The following UMODL1 variants were observed in gnomAD, a reference collection of about 807,000 sequenced individuals.
UMODL1 encodes uromodulin-like 1.
In UMODL1, 128 loss-of-function variants were observed where a neutral mutation model predicts 136.3. The ratio of observed to expected loss-of-function variants is 0.94; its 90% CI spans 0.81 to 1.09. The LOEUF (loss-of-function observed/expected upper bound fraction) is 1.09, where lower values mean the gene tolerates loss of function less well. Ranked by LOEUF, UMODL1 falls within the 50% of genes least tolerant of loss-of-function variation. The pLI is 0.00. For synonymous variants in UMODL1, 721 were observed against 720.0 expected (o/e 1.00, Z -0.02); for missense variants, 1,766 against 1,725.6 (o/e 1.02, Z -0.41).
chr21:42,076,149 T>C lies in UMODL1; in HGVS notation c.221T>C (p.Val74Ala). The C allele has an allele frequency of 1.2e-6, 2 of 1,614,180 alleles. No homozygotes were observed. The highest frequency in any genetic ancestry group is 1.7e-5 in the Admixed American group (1 of 60,032). ...WIPWRRCPKM[V>A]YRTQYLVVEV... is the part of the protein sequence containing the mutation. ...CCCTGGAGGCGGTGCCCTAAGATGGTTTACCGGACACAGTACCTGGTAGTG... is the reference window on the plus strand; with the variant it reads ...CCCTGGAGGCGGTGCCCTAAGATGGCTTACCGGACACAGTACCTGGTAGTG... Residue 74 changes from valine (V) to alanine (A), a missense_variant, in exon 2 of 23, where the codon GTT becomes GCT. Transcript: ENST00000408910.
At chr21:42,098,839 G>A (rs2066589870) in intron 6 of UMODL1, 87 bp from the exon 7 acceptor site, 1 of 1,552,396 alleles carries the variant, frequency 6.4e-7, no homozygotes. Flanking sequence ...TGAGAACCAA[G>A]TTGAGATGAG....
At chr21:42,132,020 G>A (rs1270794015) in intron 21 of UMODL1, among the ~76,000 whole-genome samples, 1 of 152,212 alleles carries the variant, frequency 6.6e-6, no homozygotes, top group Non-Finnish European at 1.5e-5. Flanking sequence ...ACTAGGGGGT[G>A]AAAAGCACTA....
At chr21:42,135,718 T>G (rs553807281) in intron 21 of UMODL1, among the ~76,000 whole-genome samples, 1 of 152,140 alleles carries the variant, frequency 6.6e-6, no homozygotes, top group African/African-American at 2.4e-5. Context: ...CTCGGTTTCT[T>G]GGGGAGGGTG....
rs939709571 is a variant in UMODL1 at position 42,097,758 on chromosome 21, G to A, written c.932-1168G>A. On this transcript the variant is annotated intron_variant, in intron 6 of 22. Transcript: ENST00000408910. Reference sequence around the variant, plus strand: ...GTGAAAATTTTGGTGCGTAGACTGGGGGCCGTCTACTTTTTATATAATTCT... The same window carrying A: ...GTGAAAATTTTGGTGCGTAGACTGGAGGCCGTCTACTTTTTATATAATTCT... Among the ~76,000 whole-genome samples, 23 of 152,198 alleles carry A rather than the reference G, an allele frequency of 1.5e-4. No homozygotes were observed. In the South Asian group the frequency reaches 4.8e-3, roughly 32 times the overall value.
At chr21:42,064,710 C>A (rs1204106165) in intron 1 of UMODL1, among the ~76,000 whole-genome samples, 1 of 152,096 alleles carries the variant, frequency 6.6e-6, no homozygotes, top group Non-Finnish European at 1.5e-5. Context: ...CGCCCAACAC[C>A]ACACCTGGCT....
At position 42,085,337 on chromosome 21, in the gene UMODL1, G is replaced by A; in HGVS notation, c.528G>A (p.Leu176=). Residue 176 remains leucine, a synonymous_variant, in exon 4 of 23, where the codon CTG becomes CTA. Transcript: ENST00000408910. This position sits in a 1 kb window ranked among gnomAD's most constrained non-coding sequence, Gnocchi z 4.5. ...PVGSWYNVTI[L]VKMDFKELQQ... is the part of the protein sequence containing the mutation. Reference sequence around the variant, plus strand: ...GCTCCTGGTACAACGTCACCATACTGGTGAAAATGGACTTCAAGGAACTCC... The same window carrying A: ...GCTCCTGGTACAACGTCACCATACTAGTGAAAATGGACTTCAAGGAACTCC... The A allele has an allele frequency of 3.1e-6, 5 of 1,614,056 alleles. No homozygotes were observed. The highest frequency in any genetic ancestry group is 4.2e-6 in the Non-Finnish European group (5 of 1,179,976).
intron 21 of UMODL1, among the ~76,000 whole-genome samples, chr21:42,130,950 A>G (rs1051179279): frequency 6.6e-6 from 1 of 151,564 alleles, no homozygotes; most frequent in African/African-American, 2.4e-5. Context: ...AGTAACAGGG[A>G]CTATGGGCAC....
chr21:42,127,600 AG>A (rs2067076483), intron 19 of UMODL1, 71 bp from the exon 20 acceptor site: 3 of 1,494,972 alleles, frequency 2.0e-6, no homozygotes, highest in Non-Finnish European at 2.7e-6. Context: ...TGTAGTCGTG[AG>A]TAAACTCATC....
chr21:42,121,324 AT>A, intron 16 of UMODL1, 100 bp downstream of exon 16: 2 of 1,443,176 alleles, frequency 1.4e-6, no homozygotes, highest in Non-Finnish European at 1.9e-6. Flanking sequence ...CTGAGGTCAT[AT>A]TTTTATGTCC....
chr21:42,125,109 C>T (rs535015650), intron 17 of UMODL1, among the ~76,000 whole-genome samples: 30 of 152,312 alleles, frequency 2.0e-4, no homozygotes, highest in African/African-American at 7.2e-4. Flanking sequence ...TGGGTCAAAG[C>T]TGTCAGATGA....
Position 42,088,398 on chromosome 21 carries a change from G to T in UMODL1, c.708G>T (p.Arg236=), listed in dbSNP as rs754824703. The T allele has an allele frequency of 6.2e-7, 1 of 1,614,002 alleles. No homozygotes were observed. Among genetic ancestry groups the T allele is most frequent in the East Asian group, 2.2e-5 (1 of 44,876 alleles). ...TVSRLLLGLP[R]PLPVADVSTL... is the part of the protein sequence containing the mutation. ...CGCGGCTGCTACTGGGCCTGCCACG[G>T]CCACTGCCTGTGGCTGACGTCTCCA... Residue 236 remains arginine, a synonymous_variant, in exon 5 of 23, where the codon CGG becomes CGT. Coordinates refer to ENST00000408910, the MANE Select transcript of UMODL1 (RefSeq NM_001004416.3).
chr21:42,097,272 G>A (rs1475718041), intron 6 of UMODL1, among the ~76,000 whole-genome samples: 1 of 152,212 alleles, frequency 6.6e-6, no homozygotes, highest in East Asian at 1.9e-4. Flanking sequence ...CACTGATCCT[G>A]TCTGAGTGAA....
chr21:42,112,704 A>G (rs956208432), intron 12 of UMODL1, among the ~76,000 whole-genome samples: 2 of 151,766 alleles, frequency 1.3e-5, no homozygotes, highest in East Asian at 3.9e-4. Flanking sequence ...ACAGTTCTGT[A>G]GTTCCCCAGC....
Position 42,098,966 on chromosome 21 carries a change from C to T in UMODL1, c.972C>T (p.Thr324=). 6.2e-7 allele frequency: 1 copy of T among 1,614,164 alleles called. No homozygotes were observed. The highest frequency in any genetic ancestry group is 1.1e-5 in the South Asian group (1 of 91,078). Reference sequence around the variant, plus strand: ...GTGACTACGTGGTCCTCAACGTCACCAGTGACAGTTTTCAAGTATCCTGGC... The same window carrying T: ...GTGACTACGTGGTCCTCAACGTCACTAGTGACAGTTTTCAAGTATCCTGGC... The part of the protein sequence containing the change: ...PVSDYVVLNV[T]SDSFQVSWRL... The change falls in exon 7 of 23, where the codon ACC becomes ACT. Residue 324 remains threonine, a synonymous_variant. Transcript: ENST00000408910.
intron 12 of UMODL1, among the ~76,000 whole-genome samples, chr21:42,113,367 C>A (rs1453552447): frequency 6.6e-6 from 1 of 152,108 alleles, no homozygotes; most frequent in Non-Finnish European, 1.5e-5. Context: ...TTGCTATCAT[C>A]CCAAGGAGGG....
intron 6 of UMODL1, among the ~76,000 whole-genome samples, chr21:42,094,940 A>C (rs549730875): frequency 2.8e-4 from 42 of 152,172 alleles, no homozygotes; most frequent in Admixed American, 1.7e-3. Flanking sequence ...CAGAAATTTG[A>C]AATAGTTACC....
chr21:42,111,140 G>A lies in UMODL1; in HGVS notation c.1899+19G>A. On this transcript the variant is annotated intron_variant, in intron 11 of 22. Transcript: ENST00000408910. Reference sequence around the variant, plus strand: ...GCAGGAGGTGCCCAGCACTGCCCCGGGTCTGGGGATGGACCAGGGGAGCCC... The same window carrying A: ...GCAGGAGGTGCCCAGCACTGCCCCGAGTCTGGGGATGGACCAGGGGAGCCC... The A allele has an allele frequency of 6.3e-7, 1 of 1,598,264 alleles. No homozygotes were observed. Among genetic ancestry groups the A allele is most frequent in the Non-Finnish European group, 8.5e-7 (1 of 1,172,934 alleles).
intron 15 of UMODL1, 134 bp from the exon 16 acceptor site, chr21:42,120,953 T>G: frequency 8.6e-7 from 1 of 1,158,258 alleles, no homozygotes; most frequent in Non-Finnish European, 1.2e-6. Flanking sequence ...CCAGAACTGG[T>G]GAGCTTGACT....
chr21:42,117,466 T>A (rs185090568), intron 14 of UMODL1, among the ~76,000 whole-genome samples: 3 of 152,380 alleles, frequency 2.0e-5, no homozygotes, highest in Admixed American at 6.5e-5. Context: ...TCCAGGATGC[T>A]ATCTGTTACC....
Sources: allele counts gnomAD v4.1 joint callset (sites outside exome capture counted in the v4.1 genomes callset), GRCh38; gene constraint gnomAD v4.1.1; non-coding constraint Gnocchi (gnomAD v3.1); transcripts MANE v1.5; gene names NCBI Gene and HGNC (gene_info 2026-07-23, HGNC 2026-07-21).